MREG: variants seen among roughly 807,000 people sequenced by gnomAD.
MREG encodes the protein melanoregulin.
A neutral mutation model predicts 28.5 loss-of-function variants in MREG; 31 were observed. The ratio of observed to expected loss-of-function variants is 1.09; its 90% CI spans 0.82 to 1.47. The LOEUF is 1.47. Among genes scored for constraint, MREG ranks in the 40% most tolerant of loss-of-function variants. The pLI is 0.00. For missense variants in MREG, 256 were observed against 257.4 expected (o/e 0.99, Z 0.04); for synonymous variants, 106 against 95.2 (o/e 1.11, Z -0.66).
intron 2 of MREG, among the ~76,000 whole-genome samples, chr2:215,967,190 A>C (rs3770533): frequency 0.9 from 136,588 of 152,236 alleles, 61,352 homozygotes; most frequent in Non-Finnish European, 0.91. Context: ...CTTTTGGATC[A>C]TGAATTCTGC....
intron 2 of MREG, among the ~76,000 whole-genome samples, chr2:215,971,168 T>G (rs34560751): frequency 0.082 from 12,515 of 152,004 alleles, 558 homozygotes; most frequent in Middle Eastern, 0.096. Flanking sequence ...AGGGAGAGCA[T>G]TAGGACAAAT....
At chr2:215,995,511 C>CCCCCCG (rs146414052) in intron 2 of MREG, among the ~76,000 whole-genome samples, 1,493 of 135,350 alleles carry the variant, frequency 0.011, 14 homozygotes, top group East Asian at 0.028. Flanking sequence ...CCCACCCCAC[C>CCCCCCG]CCCCGCCACC....
chr2:216,008,672 T>A (rs988361185), intron 1 of MREG, among the ~76,000 whole-genome samples: 2 of 152,220 alleles, frequency 1.3e-5, no homozygotes, highest in African/African-American at 4.8e-5. Context: ...AAATCTCAGT[T>A]TGCTCTAGAT....
Position 215,996,471 on chromosome 2 carries a change from G to A in MREG, c.96-6C>T, listed in dbSNP as rs774031881. 3.1e-6 allele frequency: 5 copies of A among 1,599,036 alleles called. No homozygotes were observed. In the African/African-American group the frequency reaches 6.8e-5, roughly 22 times the overall value. ...AGGAATATGGATTGTTATCACTGTTGTATAAAAAAAGGAAAGATTGGGGTT... is the reference window on the plus strand; with the variant it reads ...AGGAATATGGATTGTTATCACTGTTATATAAAAAAAGGAAAGATTGGGGTT... On this transcript the variant is annotated splice_region_variant and splice_polypyrimidine_tract_variant and intron_variant, in intron 1 of 4. Transcript: ENST00000263268.
intron 2 of MREG, among the ~76,000 whole-genome samples, chr2:215,954,164 G>T (rs887183146): frequency 5.3e-5 from 8 of 152,174 alleles, no homozygotes; most frequent in Non-Finnish European, 1.0e-4. Context: ...CATCTAATTG[G>T]CTAATTTCTT....
rs1559199117 is a variant in MREG, at chr2:216,013,304, T to TCTCAGCCAGTCC, written c.12_23dup (p.Asp5_Arg8dup). Reference sequence around the variant, plus strand: ...CGCACCCGCAGCAGCAGCACACGGTTCTCAGCCAGTCCCTCAGCCCCATGG... The same window carrying TCTCAGCCAGTCC: ...CGCACCCGCAGCAGCAGCACACGGTTCTCAGCCAGTCCCTCAGCCAGTCCCTCAGCCCCATGG... On this transcript the variant is annotated inframe_insertion, in exon 1 of 5. Coordinates refer to ENST00000263268, the MANE Select transcript of MREG (RefSeq NM_018000.3). The TCTCAGCCAGTCC allele has an allele frequency of 6.5e-7, 1 of 1,549,284 alleles. No homozygotes were observed. Among genetic ancestry groups the TCTCAGCCAGTCC allele is most frequent in the South Asian group, 1.2e-5 (1 of 84,034 alleles).
rs567846177 is a variant in MREG, at chr2:215,954,790, G to A, written c.256-7677C>T. Among the ~76,000 whole-genome samples the A allele has an allele frequency of 4.2e-3, 644 of 151,686 alleles. 3 individuals carry two copies. The highest frequency in any genetic ancestry group is 6.5e-3 in the Non-Finnish European group (441 of 67,948). ...ACGATCTCTGCTCACTGCAACCTCCGCCTCCCGGGTTCAAGCAATTCTCCT... is the reference window on the plus strand; with the variant it reads ...ACGATCTCTGCTCACTGCAACCTCCACCTCCCGGGTTCAAGCAATTCTCCT... On this transcript the variant is annotated intron_variant, in intron 2 of 4. Coordinates refer to ENST00000263268, the MANE Select transcript of MREG (RefSeq NM_018000.3).
At chr2:216,017,741 T>G (rs1694468373), upstream of MREG, among the ~76,000 whole-genome samples, 1 of 152,192 alleles carries the variant, frequency 6.6e-6, no homozygotes, top group African/African-American at 2.4e-5. Context: ...AACTCTACAG[T>G]CTGGTTTGAA....
At chr2:215,941,411 T>G (rs1267187670), downstream of MREG, among the ~76,000 whole-genome samples, 4 of 152,192 alleles carry the variant, frequency 2.6e-5, no homozygotes, top group Non-Finnish European at 2.9e-5. Flanking sequence ...GAATCCCATA[T>G]GCCCCTCACT....
intron 2 of MREG, among the ~76,000 whole-genome samples, chr2:215,991,821 A>G (rs1410986842): frequency 6.6e-6 from 1 of 152,244 alleles, no homozygotes; most frequent in African/African-American, 2.4e-5. Flanking sequence ...TCCCGGACAC[A>G]TACACACTCC....
chr2:215,956,089 G>A (rs1448629324), intron 2 of MREG, among the ~76,000 whole-genome samples: 2 of 152,128 alleles, frequency 1.3e-5, no homozygotes, highest in Non-Finnish European at 2.9e-5. Context: ...ACAATATAAA[G>A]GCCAAAATTT....
chr2:215,944,776 TCA>T lies in MREG; in HGVS notation c.*85_*86del. 7.5e-7 allele frequency: 1 copy of T among 1,327,694 alleles called. No individual in the cohort carries two copies. The highest frequency in any genetic ancestry group is 1.0e-6 in the Non-Finnish European group (1 of 980,996). 82.2% of individuals were successfully genotyped at this position (1,327,694 alleles called of 1,614,324 possible). On this transcript the variant is annotated 3_prime_UTR_variant, in exon 5 of 5. Coordinates refer to ENST00000263268, the MANE Select transcript of MREG (RefSeq NM_018000.3). ...TTTTCACTAAGCAAACTCTATTTGCTCACTCTCTTCTACATGTAATTGTCCAA... is the reference window on the plus strand; with the variant it reads ...TTTTCACTAAGCAAACTCTATTTGCTCTCTCTTCTACATGTAATTGTCCAA...
intron 2 of MREG, among the ~76,000 whole-genome samples, chr2:215,956,507 A>T (rs1692632149): frequency 6.6e-6 from 1 of 152,116 alleles, no homozygotes; most frequent in African/African-American, 2.4e-5. Flanking sequence ...ATTTCTAGAA[A>T]TTAAAAATTT....
At chr2:216,016,305 G>A (rs759019535), upstream of MREG, among the ~76,000 whole-genome samples, 2 of 152,182 alleles carry the variant, frequency 1.3e-5, no homozygotes, top group Non-Finnish European at 2.9e-5. Flanking sequence ...AAAAATGACT[G>A]TATTCTGAAA....
chr2:215,979,418 GCGCCA>G (rs1473919806), intron 2 of MREG, among the ~76,000 whole-genome samples: 13 of 149,858 alleles, frequency 8.7e-5, no homozygotes, highest in South Asian at 4.2e-4. Context: ...AGCCGAGATC[GCGCCA>G]CTGCAGTCCA....
At chr2:215,960,131 A>G (rs1326543599) in intron 2 of MREG, among the ~76,000 whole-genome samples, 2 of 151,802 alleles carry the variant, frequency 1.3e-5, no homozygotes, top group African/African-American at 2.4e-5. Flanking sequence ...AATTTTTTGT[A>G]TTTTTAGTAG....
chr2:216,004,571 A>C (rs1373043980), intron 1 of MREG, among the ~76,000 whole-genome samples: 6 of 151,932 alleles, frequency 3.9e-5, no homozygotes, highest in Admixed American at 2.6e-4. Context: ...AAACAAAAAA[A>C]AAAAACCTGT....
chr2:215,997,057 A>G (rs1453966214), intron 1 of MREG, among the ~76,000 whole-genome samples: 1 of 152,240 alleles, frequency 6.6e-6, no homozygotes, highest in East Asian at 1.9e-4. Flanking sequence ...CTGGGATTAT[A>G]GGTGTGAGCC....
chr2:215,998,877 A>C (rs1693940816), intron 1 of MREG, among the ~76,000 whole-genome samples: 1 of 152,172 alleles, frequency 6.6e-6, no homozygotes, highest in African/African-American at 2.4e-5. Context: ...CTCTGCCCTT[A>C]ACATAACTAT....
Sources: gnomAD v4.1 joint callset for allele counts (sites outside exome capture counted in the v4.1 genomes callset) on GRCh38, gnomAD v4.1.1 for gene constraint, MANE v1.5 for transcripts, NCBI Gene and HGNC (gene_info 2026-07-23, HGNC 2026-07-21) for gene names.